Variants in COLQ observed in about 807,000 individuals in gnomAD.
The protein encoded by COLQ is collagen like tail subunit of asymmetric acetylcholinesterase.
COLQ carries 48 observed loss-of-function variants against 69.0 expected under a neutral mutation model. That is an observed-to-expected ratio of 0.70 (90% CI 0.55 to 0.88). COLQ has a LOEUF of 0.88. Among genes scored for constraint, COLQ ranks in the 40% least tolerant of loss-of-function variants. The pLI, the probability that COLQ is intolerant of heterozygous loss-of-function variation, is 0.00. For missense variants in COLQ, 618 were observed against 594.6 expected (o/e 1.04, Z -0.41); for synonymous variants, 217 against 211.2 (o/e 1.03, Z -0.24).
intron 8 of COLQ, among the ~76,000 whole-genome samples, 182 bp from the exon 9 acceptor site, chr3:15,474,454 C>T (rs2062343793): frequency 6.6e-6 from 1 of 152,210 alleles, no homozygotes; most frequent in Admixed American, 6.5e-5. Flanking sequence ...TGTTGAACCC[C>T]AAAGACCTCT....
Position 15,466,408 on chromosome 3 carries a change from G to T in COLQ, c.747C>A (p.Gly249=), listed in dbSNP as rs2062201435. 6.2e-7 allele frequency: 1 copy of T among 1,613,976 alleles called. No individual in the cohort carries two copies. Among genetic ancestry groups the T allele is most frequent in the African/African-American group, 1.3e-5 (1 of 74,944 alleles). ...QGQKGDSGVM[G]PPGKPGPSGQ... ...CAGAAGGCCCAGGCTTGCCTGGTGG[G>T]CCCATAACTCCACTATCCCCTTTCT... The change falls in exon 12 of 17, where the codon GGC becomes GGA. Residue 249 remains glycine, a synonymous_variant. Transcript: ENST00000383788.
At chr3:15,453,779 GGAGGGAGGGAGAAAGAAGGGGGA>G in intron 16 of COLQ, 27 bp downstream of exon 16, 1 of 1,198,206 alleles carries the variant, frequency 8.3e-7, no homozygotes, top group Non-Finnish European at 1.2e-6. Context: ...AAAGCAAAGA[GGAGGGAGGGAGAAAGAAGGGGGA>G]GAGGGAGGGA....
At chr3:15,460,637 C>T (rs975180835) in intron 12 of COLQ, among the ~76,000 whole-genome samples, 1 of 152,154 alleles carries the variant, frequency 6.6e-6, no homozygotes, top group African/African-American at 2.4e-5. Flanking sequence ...GACAGGTATT[C>T]GTACAATCAG....
chr3:15,495,523 T>C (rs1227315558), intron 1 of COLQ, among the ~76,000 whole-genome samples: 4 of 152,228 alleles, frequency 2.6e-5, no homozygotes, highest in Admixed American at 6.5e-5. Flanking sequence ...ACTTTTGTGG[T>C]TGGATGATAG....
At chr3:15,505,409 GCA>G (rs1485357869) in intron 1 of COLQ, among the ~76,000 whole-genome samples, 3 of 152,146 alleles carry the variant, frequency 2.0e-5, no homozygotes, top group Non-Finnish European at 4.4e-5. Flanking sequence ...TACCTCCTTT[GCA>G]CACACAGAGT....
At chr3:15,465,093 G>C (rs1160054945) in intron 12 of COLQ, among the ~76,000 whole-genome samples, 1 of 151,946 alleles carries the variant, frequency 6.6e-6, no homozygotes, top group Non-Finnish European at 1.5e-5. Context: ...GGAATCACTT[G>C]AACCCGGGAG....
intron 9 of COLQ, 63 bp from the exon 10 acceptor site, chr3:15,474,098 C>G: frequency 1.9e-6 from 3 of 1,611,132 alleles, no homozygotes; most frequent in Non-Finnish European, 2.5e-6. Context: ...TGGCTGTGGA[C>G]AGGCTTTGTT....
chr3:15,521,494 A>G, intron 1 of COLQ, 26 bp downstream of exon 1: 2 of 1,613,882 alleles, frequency 1.2e-6, no homozygotes, highest in Non-Finnish European at 8.5e-7. Flanking sequence ...CAGATGGAAG[A>G]GAGGAAAGTT....
At chr3:15,475,267 A>T (rs1389528488) in intron 7 of COLQ, 158 bp downstream of exon 7, 1 of 765,236 alleles carries the variant, frequency 1.3e-6, no homozygotes, top group Non-Finnish European at 2.2e-6. Flanking sequence ...ATCCCAGGGC[A>T]TGATGTTCTC....
At chr3:15,454,672 T>G (rs1396498165) in intron 15 of COLQ, among the ~76,000 whole-genome samples, 2 of 123,572 alleles carry the variant, frequency 1.6e-5, no homozygotes, top group African/African-American at 2.9e-5. Context: ...TTTTTTTTTT[T>G]TGAGACAGGG....
intron 5 of COLQ, chr3:15,478,727 T>A: frequency 1.7e-6 from 1 of 596,136 alleles, no homozygotes; most frequent in Non-Finnish European, 3.0e-6. Context: ...AGGGGTGGAA[T>A]TTGGCCAGGC....
intron 1 of COLQ, among the ~76,000 whole-genome samples, chr3:15,519,809 A>T (rs2063111438): frequency 1.3e-5 from 2 of 152,242 alleles, no homozygotes; most frequent in South Asian, 4.1e-4. Flanking sequence ...TGAACTCCTT[A>T]ACCACTTTGG....
rs751203610 is a variant in COLQ at position 15,474,055 on chromosome 3, T to C, written c.601-20A>G. The C allele has an allele frequency of 5.0e-6, 8 of 1,614,018 alleles. No homozygotes were observed. In the East Asian group the frequency reaches 1.6e-4, roughly 31 times the overall value. On this transcript the variant is annotated intron_variant, in intron 9 of 16. Coordinates refer to ENST00000383788, the MANE Select transcript of COLQ (RefSeq NM_005677.4). Reference sequence around the variant, plus strand: ...GAAACCCTGTGAAAAGAGCAACAAATAATTGTGATCACCTCTGAAATAACA... The same window carrying C: ...GAAACCCTGTGAAAAGAGCAACAAACAATTGTGATCACCTCTGAAATAACA...
chr3:15,461,695 C>G (rs1007963876), intron 12 of COLQ, among the ~76,000 whole-genome samples: 5 of 152,140 alleles, frequency 3.3e-5, no homozygotes, highest in Non-Finnish European at 5.9e-5. Flanking sequence ...TGTGACCTTG[C>G]AGGCATCACT....
chr3:15,504,524 TCTTAA>T (rs753108741), intron 1 of COLQ, among the ~76,000 whole-genome samples: 55 of 152,336 alleles, frequency 3.6e-4, no homozygotes, highest in Non-Finnish European at 7.1e-4. Context: ...AATGGCCTTA[TCTTAA>T]CTTAATCACT....
At chr3:15,487,857 G>T (rs1169639481) in intron 3 of COLQ, among the ~76,000 whole-genome samples, 1 of 152,110 alleles carries the variant, frequency 6.6e-6, no homozygotes, top group Non-Finnish European at 1.5e-5. Context: ...CCACAGGAGG[G>T]GTCAATGGTT....
intron 1 of COLQ, among the ~76,000 whole-genome samples, chr3:15,502,239 C>T (rs1046135239): frequency 4.6e-5 from 7 of 151,458 alleles, no homozygotes; most frequent in Non-Finnish European, 8.8e-5. Flanking sequence ...CCTCAGCCTC[C>T]GGAGTAGCTG....
intron 12 of COLQ, among the ~76,000 whole-genome samples, chr3:15,460,002 C>T (rs985202696): frequency 1.3e-5 from 2 of 152,134 alleles, no homozygotes; most frequent in Non-Finnish European, 2.9e-5. Flanking sequence ...TCTCAACTCC[C>T]TTCTGATCTG....
intron 1 of COLQ, chr3:15,498,812 A>G (rs1430170634): frequency 2.7e-6 from 4 of 1,471,450 alleles, no homozygotes; most frequent in South Asian, 2.7e-5. Context: ...CCAGCTGCCC[A>G]TGAACACTGC....
Sources: allele counts gnomAD v4.1 joint callset (sites outside exome capture counted in the v4.1 genomes callset), GRCh38; gene constraint gnomAD v4.1.1; transcripts MANE v1.5; gene names NCBI Gene and HGNC (gene_info 2026-07-23, HGNC 2026-07-21).